The following SCN9A variants were observed in gnomAD, a reference collection of about 807,000 sequenced individuals.
The protein encoded by SCN9A is sodium channel protein type 9 subunit alpha.
In SCN9A, 131 loss-of-function variants were observed where a neutral mutation model predicts 187.0. The ratio of observed to expected loss-of-function variants is 0.70; its 90% CI spans 0.61 to 0.81. SCN9A has a LOEUF of 0.81. Among genes scored for constraint, SCN9A ranks in the 30% least tolerant of loss-of-function variants. SCN9A has a pLI of 0.00. For missense variants in SCN9A, 2,252 were observed against 2,396.6 expected (o/e 0.94, Z 1.26); for synonymous variants, 809 against 808.6 (o/e 1.00, Z -0.01).
At position 166,333,117 on chromosome 2, in the gene SCN9A, G is replaced by C. The variant is rs7603335; in HGVS notation, c.-50-21311C>G. Among the ~76,000 whole-genome samples the C allele has an allele frequency of 9.2e-3, 1,397 of 151,934 alleles. 32 individuals are homozygous for C. The highest frequency in any genetic ancestry group is 0.031 in the African/African-American group (1,269 of 41,504). Reference sequence around the variant, plus strand: ...GGTCTAAACCAGTGGTCCTCAACAGGATAATTCTTCCCTACCTCCAGGTGG... The same window carrying C: ...GGTCTAAACCAGTGGTCCTCAACAGCATAATTCTTCCCTACCTCCAGGTGG... On this transcript the variant is annotated intron_variant, in intron 1 of 26. Coordinates refer to ENST00000642356, the MANE Select transcript of SCN9A (RefSeq NM_001365536.1).
intron 1 of SCN9A, among the ~76,000 whole-genome samples, chr2:166,370,451 G>A (rs1008569679): frequency 6.6e-6 from 1 of 151,502 alleles, no homozygotes; most frequent in African/African-American, 2.4e-5. Context: ...GCTGAGGCAG[G>A]AGAATGGTGT....
chr2:166,276,314 A>AT lies in SCN9A; in HGVS notation c.2874+668dup, dbSNP rs1160001578. On this transcript the variant is annotated intron_variant, in intron 16 of 26. Transcript: ENST00000642356. ...AGACTTTATTGGGCATACGATTTCT[A>AT]TGGCAGCTATTCACCTCTGCCACTG... The AT allele has an allele frequency of 2.0e-5, 3 of 152,326 alleles. No homozygotes were observed. In the East Asian group the frequency reaches 5.8e-4, roughly 29 times the overall value. The allele number at this position is 152,326 out of a possible 1,614,324, so 9.4% of individuals were successfully genotyped here. A position where few individuals can be genotyped will look rare whatever the true frequency, so the allele number is the denominator to read the frequency against.
At chr2:166,262,828 C>CGT (rs1696569253) in intron 17 of SCN9A, among the ~76,000 whole-genome samples, 2 of 151,830 alleles carry the variant, frequency 1.3e-5, no homozygotes, top group African/African-American at 4.8e-5. Context: ...ACATTTTATC[C>CGT]GTGTGTGTGT....
At chr2:166,278,771 T>A (rs749614991) in intron 14 of SCN9A, among the ~76,000 whole-genome samples, 1 of 152,132 alleles carries the variant, frequency 6.6e-6, no homozygotes, top group Non-Finnish European at 1.5e-5. Context: ...CTTTAAAGAT[T>A]TATCAGCAGA....
In SCN9A at chr2:166,199,021, G is replaced by T; in HGVS notation, c.5618C>A (p.Ser1873Tyr). The T allele has an allele frequency of 1.2e-6, 2 of 1,614,046 alleles. No homozygotes were observed. Among genetic ancestry groups the T allele is most frequent in the Non-Finnish European group, 1.7e-6 (2 of 1,179,990 alleles). The change falls in exon 27 of 27, where the codon TCC becomes TAC. Residue 1873 changes from serine (S) to tyrosine (Y), a missense_variant. By Grantham distance (144) the Ser-to-Tyr change is moderately radical. Coordinates refer to ENST00000642356, the MANE Select transcript of SCN9A (RefSeq NM_001365536.1). ...MEERFMSANPSKVSYEPITTT... is the reference protein window; with the variant it reads ...MEERFMSANPYKVSYEPITTT... Reference sequence around the variant, plus strand: ...TGTGATGGGTTCATAGGACACTTTGGAAGGATTTGCAGACATGAACCTTTC... The same window carrying T: ...TGTGATGGGTTCATAGGACACTTTGTAAGGATTTGCAGACATGAACCTTTC...
At chr2:166,235,462 T>C (rs57020101) in intron 20 of SCN9A, among the ~76,000 whole-genome samples, 3,143 of 152,196 alleles carry the variant, frequency 0.021, 121 homozygotes, top group African/African-American at 0.072. Flanking sequence ...GCAAATAATA[T>C]AAGTAGTTCT....
chr2:166,351,184 T>C (rs995966652), intron 1 of SCN9A, among the ~76,000 whole-genome samples: 4 of 152,108 alleles, frequency 2.6e-5, no homozygotes, highest in Non-Finnish European at 4.4e-5. Context: ...ATGAAAAGCC[T>C]AAAAAGAAGA....
chr2:166,356,832 TTGTACAGC>T (rs1700161468), intron 1 of SCN9A, among the ~76,000 whole-genome samples: 1 of 152,220 alleles, frequency 6.6e-6, no homozygotes. Flanking sequence ...TAAAGTCCTA[TTGTACAGC>T]TGTACCCAAA....
rs779128646 is a variant in SCN9A, at chr2:166,199,114, A to C, written c.5525T>G (p.Leu1842Ter). The C allele has an allele frequency of 6.2e-6, 10 of 1,614,174 alleles. No homozygotes were observed. The highest frequency in any genetic ancestry group is 8.5e-6 in the Non-Finnish European group (10 of 1,180,030). The change falls in exon 27 of 27, where the codon TTA (leucine) becomes TGA (stop). Residue 1842 changes from leucine (L) to a stop codon, truncating the protein, a stop_gained. Coordinates refer to ENST00000642356, the MANE Select transcript of SCN9A (RefSeq NM_001365536.1). LOFTEE classifies it high-confidence loss of function. ...CAAAACACGCTTTGTAAAAGCAAAT[A>C]AGATGTCAAGACAATGGATCCGGTC... ...SGDRIHCLDI[L>*]FAFTKRVLGE...
chr2:166,353,638 T>C (rs1246622771), intron 1 of SCN9A, among the ~76,000 whole-genome samples: 1 of 152,228 alleles, frequency 6.6e-6, no homozygotes, highest in African/African-American at 2.4e-5. Context: ...TTTGTAATAT[T>C]TGGCTCAATA....
Position 166,281,660 on chromosome 2 carries a change from AAAG to A in SCN9A, c.2104+16_2104+18del, listed in dbSNP as rs1697493462. On this transcript the variant is annotated intron_variant, in intron 13 of 26. Transcript: ENST00000642356. Reference sequence around the variant, plus strand: ...ATTTTATTTAAGAATCTGTACAGTAAAAGAAGATTATTACATACCTTCCACAGT... The same window carrying A: ...ATTTTATTTAAGAATCTGTACAGTAAAAGATTATTACATACCTTCCACAGT... 2 of 1,607,862 alleles carry A rather than the reference AAAG, an allele frequency of 1.2e-6. No individual in the cohort carries two copies. Among genetic ancestry groups the A allele is most frequent in the African/African-American group, 1.3e-5 (1 of 74,860 alleles).
chr2:166,348,970 A>T (rs1002960458), intron 1 of SCN9A, among the ~76,000 whole-genome samples: 9 of 152,072 alleles, frequency 5.9e-5, no homozygotes, highest in African/African-American at 2.2e-4. Flanking sequence ...TACTAAAAAA[A>T]ATACAAAATT....
chr2:166,269,764 G>T (rs866856149), intron 17 of SCN9A, among the ~76,000 whole-genome samples: 19 of 152,004 alleles, frequency 1.2e-4, no homozygotes, highest in African/African-American at 4.3e-4. Flanking sequence ...TTAAATGAAA[G>T]AAAAATGAAC....
intron 24 of SCN9A, among the ~76,000 whole-genome samples, chr2:166,209,995 G>A (rs1694008067): frequency 6.6e-6 from 1 of 152,106 alleles, no homozygotes; most frequent in Admixed American, 6.5e-5. Flanking sequence ...CTGCTATAAA[G>A]ACGCATGCAC....
intron 24 of SCN9A, among the ~76,000 whole-genome samples, chr2:166,213,548 T>C (rs922005351): frequency 4.6e-5 from 7 of 151,110 alleles, no homozygotes; most frequent in African/African-American, 1.7e-4. Context: ...ACGGCTTCTC[T>C]GGAGAAGTCC....
At chr2:166,372,181 T>C (rs1700581418) in intron 1 of SCN9A, among the ~76,000 whole-genome samples, 2 of 152,084 alleles carry the variant, frequency 1.3e-5, no homozygotes, top group African/African-American at 2.4e-5. Context: ...CAGTCCTTAC[T>C]TCCACTCTAA....
chr2:166,241,913 GA>G (rs373842167), intron 19 of SCN9A, among the ~76,000 whole-genome samples: 42 of 152,232 alleles, frequency 2.8e-4, no homozygotes, highest in African/African-American at 9.1e-4. Flanking sequence ...AAGGCAGGGG[GA>G]AAAGCTCTCA....
At chr2:166,251,111 G>A (rs1216890918) in intron 18 of SCN9A, among the ~76,000 whole-genome samples, 1 of 152,050 alleles carries the variant, frequency 6.6e-6, no homozygotes, top group Non-Finnish European at 1.5e-5. Context: ...GAGGTTAGAG[G>A]TAAAGACATT....
Position 166,251,752 on chromosome 2 carries a change from A to G in SCN9A, c.3472+13T>C, listed in dbSNP as rs1365840987. The G allele has an allele frequency of 1.2e-6, 2 of 1,612,108 alleles. No individual in the cohort carries two copies. Among genetic ancestry groups the G allele is most frequent in the Non-Finnish European group, 8.5e-7 (1 of 1,178,822 alleles). ...TTAAGGAATGCTAACCAAGGTCTCA[A>G]TTTTTGTCTTACCATCTGTGAAACA... is the stretch of plus-strand genomic sequence containing the variant. On this transcript the variant is annotated intron_variant, in intron 18 of 26. Coordinates refer to ENST00000642356, the MANE Select transcript of SCN9A (RefSeq NM_001365536.1).
Sources: allele counts gnomAD v4.1 joint callset (sites outside exome capture counted in the v4.1 genomes callset), GRCh38; gene constraint gnomAD v4.1.1; transcripts MANE v1.5; gene names NCBI Gene and HGNC (gene_info 2026-07-23, HGNC 2026-07-21).